The following CDH1 variants were observed in gnomAD, a reference collection of about 807,000 sequenced individuals.
CDH1 encodes cadherin 1.
In CDH1, 35 loss-of-function variants were observed where a neutral mutation model predicts 84.5. The ratio of observed to expected loss-of-function variants is 0.41; its 90% confidence interval spans 0.32 to 0.55. The LOEUF (loss-of-function observed/expected upper bound fraction) is 0.55, where lower values mean the gene tolerates loss of function less well. Among genes scored for constraint, CDH1 ranks in the 20% least tolerant of loss-of-function variants. The pLI is 0.19. For missense variants in CDH1, 994 were observed against 1,126.6 expected, an observed-to-expected ratio of 0.88 and a Z score of 1.68; for synonymous variants, 417 against 439.0, an observed-to-expected ratio of 0.95 and a Z score of 0.63.
chr16:68,755,223 G>A (rs1341808759), intron 2 of CDH1, among the ~76,000 whole-genome samples: 1 of 143,336 alleles, frequency 7.0e-6, no homozygotes, highest in African/African-American at 2.6e-5. Flanking sequence ...CTGCCTGGGA[G>A]GTTTAGCCAT....
chr16:68,772,611 CA>C (rs1200541208), intron 2 of CDH1, among the ~76,000 whole-genome samples: 5 of 152,068 alleles, frequency 3.3e-5, no homozygotes, highest in African/African-American at 1.2e-4. Context: ...TCCTCAAAAT[CA>C]CCACACTATG....
intron 2 of CDH1, among the ~76,000 whole-genome samples, chr16:68,742,973 C>T (rs1330538274): frequency 6.6e-6 from 1 of 152,212 alleles, no homozygotes; most frequent in African/African-American, 2.4e-5. Context: ...GCCTTTGTGT[C>T]TCTGGAGGTG....
Position 68,823,500 on chromosome 16 carries a change from A to G in CDH1, c.2038A>G (p.Thr680Ala), listed in dbSNP as rs876658936. ...TAACCAGAATAAAGACCAAGTGACC[A>G]CCTTAGAGGTCAGCGTGTGTGACTG... ...MDNQNKDQVT[T>A]LEVSVCDCEG... Residue 680 changes from threonine (T) to alanine (A), a missense_variant, in exon 13 of 16, where the codon ACC becomes GCC. This residue lies in a region of CDH1 where 769 missense variants were observed against 881.8 expected (regional missense o/e 0.87). Coordinates refer to ENST00000261769, the MANE Select transcript of CDH1 (RefSeq NM_004360.5). 1.2e-6 allele frequency: 2 copies of G among 1,613,298 alleles called. No individual in the cohort carries two copies. Among genetic ancestry groups the G allele is most frequent in the Non-Finnish European group, 8.5e-7 (1 of 1,179,318 alleles).
At chr16:68,745,903 C>T (rs1008380270) in intron 2 of CDH1, among the ~76,000 whole-genome samples, 37 of 152,112 alleles carry the variant, frequency 2.4e-4, no homozygotes, top group African/African-American at 8.9e-4. Context: ...CTGCAACCTC[C>T]GCCTCCTGGC....
intron 2 of CDH1, among the ~76,000 whole-genome samples, chr16:68,745,289 C>T (rs963192926): frequency 6.6e-6 from 1 of 151,142 alleles, no homozygotes; most frequent in Non-Finnish European, 1.5e-5. Context: ...TGAGACCAGC[C>T]TGGGCAACGT....
chr16:68,737,581 C>G, intron 1 of CDH1, 118 bp downstream of exon 1: 1 of 956,910 alleles, frequency 1.0e-6, no homozygotes, highest in Non-Finnish European at 1.6e-6. Context: ...AAGTTCGGGT[C>G]CTGAGGAGCG....
At chr16:68,755,952 C>T (rs770882106) in intron 2 of CDH1, among the ~76,000 whole-genome samples, 3 of 151,436 alleles carry the variant, frequency 2.0e-5, no homozygotes, top group African/African-American at 4.9e-5. Flanking sequence ...TTCGTAGAGA[C>T]GGGGTTTCAC....
chr16:68,774,335 C>T (rs1251002662), intron 2 of CDH1, among the ~76,000 whole-genome samples: 2 of 152,190 alleles, frequency 1.3e-5, no homozygotes, highest in African/African-American at 2.4e-5. Flanking sequence ...GCCTGGCCCA[C>T]ATGGTGAAAC....
chr16:68,811,122 G>T (rs1367553974), intron 6 of CDH1, among the ~76,000 whole-genome samples: 1 of 151,970 alleles, frequency 6.6e-6, no homozygotes, highest in Non-Finnish European at 1.5e-5. Context: ...CCTAGGCTGG[G>T]TGTGGTGGTT....
intron 2 of CDH1, among the ~76,000 whole-genome samples, chr16:68,756,346 C>G (rs541870818): frequency 1.3e-5 from 2 of 152,080 alleles, no homozygotes; most frequent in Non-Finnish European, 2.9e-5. Flanking sequence ...AGCAGTGAGG[C>G]AAACACCTGG....
chr16:68,815,228 A>G (rs1324501635), intron 9 of CDH1, among the ~76,000 whole-genome samples: 1 of 152,108 alleles, frequency 6.6e-6, no homozygotes, highest in Non-Finnish European at 1.5e-5. Context: ...AGAAAAAAAT[A>G]AAATAAGGAA....
At chr16:68,784,475 T>C (rs1160290619) in intron 2 of CDH1, among the ~76,000 whole-genome samples, 1 of 151,936 alleles carries the variant, frequency 6.6e-6, no homozygotes, top group African/African-American at 2.4e-5. Flanking sequence ...CATGTGTGGG[T>C]CATCCTCCTT....
In CDH1 at chr16:68,819,429, A is replaced by AG. The variant is rs762825233; in HGVS notation, c.1711+9dup. On this transcript the variant is annotated splice_donor_region_variant and intron_variant, in intron 11 of 15. Transcript: ENST00000261769. ...CTAATCATAGCTACAGACAATGGTA[A>AG]GGGGGCCTCATCTGAGCCTTTGCTG... 1 of 1,613,036 alleles carries AG rather than the reference A, an allele frequency of 6.2e-7. No homozygotes were observed. Among genetic ancestry groups the AG allele is most frequent in the African/African-American group, 1.3e-5 (1 of 74,912 alleles).
intron 9 of CDH1, 113 bp downstream of exon 9, chr16:68,813,608 C>A: frequency 9.5e-7 from 1 of 1,052,308 alleles, no homozygotes; most frequent in Non-Finnish European, 1.5e-6. Flanking sequence ...GACAGGGTGA[C>A]TTTCCCAGAT....
At chr16:68,826,748 C>T (rs1031845399) in intron 13 of CDH1, among the ~76,000 whole-genome samples, 34 of 152,284 alleles carry the variant, frequency 2.2e-4, no homozygotes, top group Admixed American at 4.6e-4. Flanking sequence ...ATTTTGGAAA[C>T]GGTAAACTGC....
At chr16:68,788,069 C>T (rs1419014901) in intron 2 of CDH1, among the ~76,000 whole-genome samples, 2 of 152,076 alleles carry the variant, frequency 1.3e-5, no homozygotes, top group African/African-American at 4.8e-5. Context: ...TCAAGTGATT[C>T]GCCCTCCTTG....
chr16:68,794,583 A>G (rs935984136), intron 2 of CDH1, among the ~76,000 whole-genome samples: 2 of 150,790 alleles, frequency 1.3e-5, no homozygotes, highest in African/African-American at 4.9e-5. Context: ...GTGGTGGTAC[A>G]ATCATAGCAC....
In CDH1 at chr16:68,810,355, T is replaced by C; in HGVS notation, c.832+14T>C. ...GTGCTCTTCCAGGTATATCCACTAA[T>C]GAGAATCTGAATACTCAGAAAGACT... On this transcript the variant is annotated intron_variant, in intron 6 of 15. Coordinates refer to ENST00000261769, the MANE Select transcript of CDH1 (RefSeq NM_004360.5). 1 of 1,612,514 alleles carries C rather than the reference T, an allele frequency of 6.2e-7. No individual in the cohort carries two copies. Among genetic ancestry groups the C allele is most frequent in the Non-Finnish European group, 8.5e-7 (1 of 1,178,538 alleles).
In CDH1 at chr16:68,834,822, G is replaced by A. The variant is rs979882242; in HGVS notation, c.*1323G>A. ...GACTTAGAATAGTGCCTAAAGTGCT[G>A]CAGCCAAAGACAGAGCGGAACTATG... On this transcript the variant is annotated 3_prime_UTR_variant, in exon 16 of 16. Coordinates refer to ENST00000261769, the MANE Select transcript of CDH1 (RefSeq NM_004360.5). 8.6e-6 allele frequency: 2 copies of A among 232,524 alleles called. No individual in the cohort carries two copies. Among genetic ancestry groups the A allele is most frequent in the Non-Finnish European group, 1.7e-5 (2 of 117,240 alleles). The allele number at this position is 232,524 out of a possible 1,614,324, so 14.4% of individuals were successfully genotyped here.
Sources: gnomAD v4.1 joint callset for allele counts (sites outside exome capture counted in the v4.1 genomes callset) on GRCh38, gnomAD v4.1.1 for gene constraint, gnomAD v4.1.1 regional missense constraint, MANE v1.5 for transcripts, NCBI Gene and HGNC (gene_info 2026-07-23, HGNC 2026-07-21) for gene names.